The following FAT2 variants were observed in gnomAD, a reference collection of about 807,000 sequenced individuals.
The protein encoded by FAT2 is FAT atypical cadherin 2.
FAT2 carries 150 observed loss-of-function variants against 295.3 expected under a neutral mutation model. That is an observed-to-expected ratio of 0.51 (90% CI 0.44 to 0.58). The LOEUF is 0.58. Ranked by LOEUF, FAT2 falls within the 20% of genes least tolerant of loss-of-function variation. FAT2 has a pLI of 0.00. For synonymous variants in FAT2, 2,026 were observed against 2,150.3 expected (o/e 0.94, Z 1.60); for missense variants, 4,868 against 5,442.7 (o/e 0.89, Z 3.32).
At chr5:151,522,229 A>AG (rs1753545333) in intron 18 of FAT2, 143 bp from the exon 19 acceptor site, 1 of 622,890 alleles carries the variant, frequency 1.6e-6, no homozygotes, top group Non-Finnish European at 2.7e-6. Flanking sequence ...TGCATTTAGA[A>AG]AAAAAAAACC....
At position 151,563,385 on chromosome 5, in the gene FAT2, G is replaced by C. The variant is rs2127641606; in HGVS notation, c.3514C>G (p.Leu1172Val). The C allele has an allele frequency of 1.2e-6, 2 of 1,614,226 alleles. No individual in the cohort carries two copies. Among genetic ancestry groups the C allele is most frequent in the Non-Finnish European group, 1.7e-6 (2 of 1,180,038 alleles). ...WDPDSSSKGK[L>V]TFNITSGNYM... Reference sequence around the variant, plus strand: ...TTCCCACTGGTGATGTTGAAGGTCAGCTTCCCTTTGGAGCTGGAGTCTGGG... The same window carrying C: ...TTCCCACTGGTGATGTTGAAGGTCACCTTCCCTTTGGAGCTGGAGTCTGGG... The change falls in exon 3 of 24, where the codon CTG becomes GTG. Residue 1172 changes from leucine to valine, a missense_variant. This residue lies in a region of FAT2 where 3,297 missense variants were observed against 3,669.4 expected (regional missense o/e 0.90). Coordinates refer to ENST00000261800, the MANE Select transcript of FAT2 (RefSeq NM_001447.3).
rs1420091268 is a variant in FAT2, at chr5:151,565,818, C to A, written c.3114G>T (p.Gln1038His). 1 of 1,614,168 alleles carries A rather than the reference C, an allele frequency of 6.2e-7. No individual in the cohort carries two copies. The highest frequency in any genetic ancestry group is 8.5e-7 in the Non-Finnish European group (1 of 1,180,010). Residue 1038 changes from glutamine (Q) to histidine (H), a missense_variant, in exon 2 of 24, where the codon CAG (glutamine) becomes CAT (histidine). This residue lies in a region of FAT2 where 3,297 missense variants were observed against 3,669.4 expected (regional missense o/e 0.90). Transcript: ENST00000261800. ...HPPHFASFVH[Q>H]GQVQENSPSG... ...AGGGGCTGTTCTCCTGCACCTGGCC[C>A]TGGTGCACGAAGGAGGCAAAGTGGG... is the stretch of plus-strand genomic sequence containing the variant.
intron 4 of FAT2, 119 bp downstream of exon 4, chr5:151,556,225 C>A: frequency 1.3e-6 from 1 of 799,884 alleles, no homozygotes; most frequent in East Asian, 2.5e-5. Flanking sequence ...GTTCAGCTCA[C>A]GTATATCTTC....
chr5:151,518,365 A>ATTATTATT (rs1554124031), intron 19 of FAT2, among the ~76,000 whole-genome samples: 1 of 69,152 alleles, frequency 1.4e-5, no homozygotes, highest in South Asian at 1.2e-3. Context: ...TAATAATAAT[A>ATTATTATT]ATAATAATAA....
intron 18 of FAT2, among the ~76,000 whole-genome samples, chr5:151,522,767 C>T (rs547061444): frequency 6.6e-6 from 1 of 152,128 alleles, no homozygotes; most frequent in African/African-American, 2.4e-5. Context: ...GTGTAAGGTC[C>T]TGGGGTAGGA....
At chr5:151,515,184 C>T (rs1752728621) in intron 20 of FAT2, among the ~76,000 whole-genome samples, 1 of 152,142 alleles carries the variant, frequency 6.6e-6, no homozygotes, top group Non-Finnish European at 1.5e-5. Context: ...TCACTCCTTC[C>T]TTCTTGATAC....
intron 1 of FAT2, among the ~76,000 whole-genome samples, chr5:151,578,576 A>G (rs2127658160): frequency 6.6e-6 from 1 of 152,210 alleles, no homozygotes; most frequent in Non-Finnish European, 1.5e-5. Context: ...CCCAAAAAAT[A>G]AAAAAAAGAA....
At chr5:151,539,956 C>G (rs997596509) in intron 11 of FAT2, among the ~76,000 whole-genome samples, 2 of 152,190 alleles carry the variant, frequency 1.3e-5, no homozygotes, top group African/African-American at 4.8e-5. Flanking sequence ...CTAAATTACC[C>G]CAGCAGATGT....
intron 20 of FAT2, among the ~76,000 whole-genome samples, chr5:151,513,757 GA>G (rs1019808182): frequency 2.0e-5 from 3 of 151,850 alleles, no homozygotes; most frequent in African/African-American, 4.8e-5. Flanking sequence ...AAAATTGGAA[GA>G]AAAAAATTAT....
In FAT2 at chr5:151,567,084, G is replaced by A. The variant is rs79269043; in HGVS notation, c.1848C>T (p.Ser616=). The A allele has an allele frequency of 2.6e-4, 425 of 1,614,046 alleles. 4 individuals carry two copies. The African/African-American group carries it at 4.5e-3, about 17-fold the overall frequency. ...AAGGGCGTTTGAGGGATATCACTCC[G>A]GAGAAATGATTTAGATCAAAATACT... is the stretch of plus-strand genomic sequence containing the variant. The part of the protein sequence containing the change: ...ELEYFDLNHF[S]GVISLKRPFI... The change falls in exon 2 of 24, where the codon TCC becomes TCT. Residue 616 remains serine, a synonymous_variant. Coordinates refer to ENST00000261800, the MANE Select transcript of FAT2 (RefSeq NM_001447.3).
In FAT2 at chr5:151,512,653, G is replaced by A. The variant is rs1761410690; in HGVS notation, c.11464-47C>T. ...CCATCAGCAAAGCCAAGGAGTCCTT[G>A]TAAACCTGCTAAGAGGCTGCCAGTT... On this transcript the variant is annotated intron_variant, in intron 20 of 23. Coordinates refer to ENST00000261800, the MANE Select transcript of FAT2 (RefSeq NM_001447.3). The surrounding 1 kb of genome is among the most constrained non-coding windows in gnomAD (Gnocchi z 4.1). The A allele has an allele frequency of 1.3e-6, 2 of 1,495,858 alleles. No individual in the cohort carries two copies. Among genetic ancestry groups the A allele is most frequent in the South Asian group, 2.5e-5 (2 of 78,990 alleles). 92.7% of individuals were successfully genotyped at this position (1,495,858 alleles called of 1,614,324 possible). A position where few individuals can be genotyped will look rare whatever the true frequency, so the allele number is the denominator to read the frequency against.
In FAT2 at chr5:151,527,376, G is replaced by A. The variant is rs779138455; in HGVS notation, c.10166C>T (p.Ala3389Val). The A allele has an allele frequency of 1.9e-6, 3 of 1,602,132 alleles. No individual in the cohort carries two copies. The highest frequency in any genetic ancestry group is 1.7e-4 in the Middle Eastern group (1 of 5,958). The change falls in exon 17 of 24, where the codon GCC becomes GTC. Residue 3389 changes from alanine to valine, a missense_variant and splice_region_variant. By Grantham distance (64) the Ala-to-Val change is moderately conservative (BLOSUM62 0). Transcript: ENST00000261800. ...QVAKALDREQ[A>V]SSYSLKLRAT... ...TCGGAGCTTCAGGGAATAACTAGAG[G>A]CCTATTGCAAAATGTCCAGTGGAGG...
At chr5:151,532,923 T>C (rs1403788710) in intron 13 of FAT2, among the ~76,000 whole-genome samples, 5 of 152,224 alleles carry the variant, frequency 3.3e-5, no homozygotes, top group Admixed American at 6.5e-5. Context: ...ATCCATTAAA[T>C]GCACATGCCA....
In FAT2 at chr5:151,529,369, G is replaced by A; in HGVS notation, c.9835C>T (p.Leu3279=). ...TACTTGGGGCTTGTCTCAAAGTCCA[G>A]GCTTGCGTTGACATACAGGATCCCT... ...RTGILYVNAS[L]DFETSPKYFL... Residue 3279 remains leucine (L), a synonymous_variant, in exon 15 of 24, where the codon CTG becomes TTG. Transcript: ENST00000261800. The A allele has an allele frequency of 1.9e-6, 3 of 1,613,902 alleles. No homozygotes were observed. Among genetic ancestry groups the A allele is most frequent in the Non-Finnish European group, 2.5e-6 (3 of 1,179,992 alleles).
At position 151,512,357 on chromosome 5, in the gene FAT2, C is replaced by A; in HGVS notation, c.11713G>T (p.Val3905Phe). Residue 3905 changes from valine to phenylalanine, a missense_variant, in exon 21 of 24, where the codon GTC (valine) becomes TTC (phenylalanine). By Grantham distance (50) the Val-to-Phe change is conservative. Coordinates refer to ENST00000261800, the MANE Select transcript of FAT2 (RefSeq NM_001447.3). The surrounding 1 kb of genome is among the most constrained non-coding windows in gnomAD (Gnocchi z 4.1). ...AGGCAGCCTTCAAAGCCCTGGGAGA[C>A]ATTCGAGGAAGAATGCAACAGAATG... Reference protein sequence around the residue: ...GLILLHSSSNVSQGFEGCLDA... With the variant: ...GLILLHSSSNFSQGFEGCLDA... 6.2e-7 allele frequency: 1 copy of A among 1,614,248 alleles called. No homozygotes were observed. The highest frequency in any genetic ancestry group is 8.5e-7 in the Non-Finnish European group (1 of 1,180,044).
intron 20 of FAT2, among the ~76,000 whole-genome samples, chr5:151,515,332 C>T (rs1752745172): frequency 6.6e-6 from 1 of 152,198 alleles, no homozygotes; most frequent in African/African-American, 2.4e-5. Context: ...AAGGAGTAAT[C>T]CTTGGCCTAC....
At chr5:151,532,840 C>G (rs1754798869) in intron 13 of FAT2, among the ~76,000 whole-genome samples, 1 of 152,200 alleles carries the variant, frequency 6.6e-6, no homozygotes, top group South Asian at 2.1e-4. Context: ...TCTCACGTCT[C>G]CCACACACGT....
At position 151,542,691 on chromosome 5, in the gene FAT2, C is replaced by T; in HGVS notation, c.8436G>A (p.Val2812=). 6.2e-7 allele frequency: 1 copy of T among 1,614,236 alleles called. No individual in the cohort carries two copies. Among genetic ancestry groups the T allele is most frequent in the South Asian group, 1.1e-5 (1 of 91,080 alleles). ...CAGTCACTTGAATGACTGAGGTCCC[C>T]ACTGGCATATTCTCAGTGAGGACAG... is the stretch of plus-strand genomic sequence containing the variant. The part of the protein sequence containing the change: ...YKAVLTENMP[V]GTSVIQVTAI... Residue 2812 remains valine, a synonymous_variant, in exon 10 of 24, where the codon GTG becomes GTA. Coordinates refer to ENST00000261800, the MANE Select transcript of FAT2 (RefSeq NM_001447.3).
rs1382846522 is a variant in FAT2, at chr5:151,545,809, A to G, written c.5318T>C (p.Leu1773Pro). The change falls in exon 10 of 24, where the codon CTG (leucine) becomes CCG (proline). Residue 1773 changes from leucine (L) to proline (P), a missense_variant. Around this residue, in one of 5 missense-constraint regions of FAT2, gnomAD observed 3,297 missense variants for 3,669.4 expected, o/e 0.90. Coordinates refer to ENST00000261800, the MANE Select transcript of FAT2 (RefSeq NM_001447.3). ...GTTTTTATCCATGATCATGCTATAC[A>G]GTGGAGCTGCTTCACTAATTTGGCC... The part of the protein sequence containing the change: ...FVGQISEAAP[L>P]YSMIMDKNNN... The G allele has an allele frequency of 1.2e-6, 2 of 1,614,122 alleles. No individual in the cohort carries two copies. The highest frequency in any genetic ancestry group is 1.7e-6 in the Non-Finnish European group (2 of 1,180,050).
Sources: gnomAD v4.1 joint callset for allele counts (sites outside exome capture counted in the v4.1 genomes callset) on GRCh38, gnomAD v4.1.1 for gene constraint, gnomAD v4.1.1 regional missense constraint, Gnocchi (gnomAD v3.1) non-coding constraint, MANE v1.5 for transcripts, NCBI Gene and HGNC (gene_info 2026-07-23, HGNC 2026-07-21) for gene names.